The following MARCO variants were observed in gnomAD, a reference collection of about 807,000 sequenced individuals.
MARCO encodes the protein macrophage receptor MARCO.
Under a neutral mutation model 70.0 loss-of-function variants are expected in MARCO, and 72 were observed. The ratio of observed to expected loss-of-function variants is 1.03; its 90% CI spans 0.85 to 1.25. The LOEUF (loss-of-function observed/expected upper bound fraction) is 1.25. MARCO is among the 50% of genes most tolerant of loss of function. The pLI is 0.00. For synonymous variants in MARCO, 273 were observed against 243.1 expected (o/e 1.12, Z -1.14); for missense variants, 696 against 659.3 (o/e 1.06, Z -0.61).
chr2:118,993,440 G>C, intron 16 of MARCO, 140 bp downstream of exon 16: 4 of 767,372 alleles, frequency 5.2e-6, no homozygotes, highest in Non-Finnish European at 6.3e-6. Context: ...AAGCTCTGCA[G>C]TGCAGGGCTC....
In MARCO at chr2:118,994,488, G is replaced by A. The variant is rs201982149; in HGVS notation, c.1531G>A (p.Glu511Lys). 1.3e-4 allele frequency: 210 copies of A among 1,611,436 alleles called. No homozygotes were observed. The Admixed American group carries it at 1.7e-3, about 13-fold the overall frequency. The change falls in exon 17 of 17, where the codon GAG becomes AAG. Residue 511 changes from glutamate to lysine, a missense_variant. Physicochemically the swap from Glu to Lys is moderately conservative, Grantham distance 56 (BLOSUM62 1). Around this residue, in one of 3 missense-constraint regions of MARCO, gnomAD observed 58 missense variants for 62.1 expected, o/e 0.93. Coordinates refer to ENST00000327097, the MANE Select transcript of MARCO (RefSeq NM_006770.4). ...NSWGHHDCSH[E>K]EDAGVECSV The stretch of plus-strand genomic sequence containing the variant: ...CTGGGGCCATCATGACTGCAGCCAC[G>A]AGGAGGACGCAGGCGTGGAGTGCAG...
chr2:118,971,477 G>A (rs746484072), intron 3 of MARCO, 22 bp from the exon 4 acceptor site: 4 of 1,613,790 alleles, frequency 2.5e-6, no homozygotes, highest in Admixed American at 3.3e-5. Context: ...CTCAGCTGCA[G>A]CTCACTCTCC....
At chr2:118,987,899 T>C (rs1680546318) in intron 12 of MARCO, among the ~76,000 whole-genome samples, 1 of 152,142 alleles carries the variant, frequency 6.6e-6, no homozygotes, top group Admixed American at 6.5e-5. Context: ...GGGAACCAAG[T>C]GCGTAGACCA....
intron 8 of MARCO, 71 bp from the exon 9 acceptor site, chr2:118,981,338 G>C: frequency 1.1e-6 from 1 of 945,104 alleles, no homozygotes; most frequent in Admixed American, 2.4e-5. Context: ...GGAATGGGAA[G>C]TGTCAGAGGA....
At chr2:118,976,964 G>C (rs1280817253) in intron 6 of MARCO, among the ~76,000 whole-genome samples, 1 of 152,216 alleles carries the variant, frequency 6.6e-6, no homozygotes, top group Non-Finnish European at 1.5e-5. Context: ...AGGCTGGGAA[G>C]TTCAAGATTG....
intron 8 of MARCO, among the ~76,000 whole-genome samples, chr2:118,980,380 A>C (rs1054910930): frequency 2.0e-5 from 3 of 152,184 alleles, no homozygotes; most frequent in African/African-American, 7.2e-5. Context: ...AAGGGGTCTG[A>C]TTCATGAGCC....
chr2:118,943,245 A>C (rs1240319166), intron 1 of MARCO, among the ~76,000 whole-genome samples: 1 of 152,212 alleles, frequency 6.6e-6, no homozygotes, highest in Non-Finnish European at 1.5e-5. Context: ...TTCAGCGCAC[A>C]AAGATGAAGC....
intron 12 of MARCO, among the ~76,000 whole-genome samples, chr2:118,986,681 GAAA>G (rs1558671812): frequency 3.7e-4 from 16 of 42,780 alleles, no homozygotes; most frequent in African/African-American, 1.6e-3. Context: ...AGGAAAGAAA[GAAA>G]GAAAGAAAGA....
At chr2:118,958,642 GT>G (rs1679882739) in intron 1 of MARCO, among the ~76,000 whole-genome samples, 1 of 151,886 alleles carries the variant, frequency 6.6e-6, no homozygotes, top group Non-Finnish European at 1.5e-5. Context: ...TCTTCACAGA[GT>G]TAGAAAAAAC....
chr2:118,943,099 T>G (rs763713269), intron 1 of MARCO, among the ~76,000 whole-genome samples: 10 of 152,228 alleles, frequency 6.6e-5, no homozygotes, highest in Non-Finnish European at 1.5e-4. Flanking sequence ...CTTGGGATCA[T>G]CTTCCAAGTT....
intron 4 of MARCO, among the ~76,000 whole-genome samples, chr2:118,972,157 C>A (rs1470199797): frequency 2.6e-5 from 4 of 152,168 alleles, no homozygotes; most frequent in African/African-American, 9.7e-5. Context: ...CAAGGGAGTG[C>A]AAAAGCTGTC....
chr2:118,954,918 C>T (rs1278662036), intron 1 of MARCO, among the ~76,000 whole-genome samples: 1 of 152,058 alleles, frequency 6.6e-6, no homozygotes, highest in Non-Finnish European at 1.5e-5. Flanking sequence ...ATCTGAACAG[C>T]AATCTTCAGC....
intron 1 of MARCO, among the ~76,000 whole-genome samples, chr2:118,959,778 C>T (rs1236656691): frequency 6.6e-6 from 1 of 152,150 alleles, no homozygotes; most frequent in African/African-American, 2.4e-5. Context: ...TGGAATACTA[C>T]TCAGCCATAA....
At chr2:118,960,118 AAAT>A (rs10676998) in intron 1 of MARCO, among the ~76,000 whole-genome samples, 8 of 149,974 alleles carry the variant, frequency 5.3e-5, no homozygotes, top group East Asian at 2.0e-4. Flanking sequence ...AAATAAAATA[AAAT>A]AATAATAATA....
intron 12 of MARCO, among the ~76,000 whole-genome samples, chr2:118,988,140 C>T (rs561940402): frequency 6.6e-6 from 1 of 152,242 alleles, no homozygotes; most frequent in Admixed American, 6.5e-5. Flanking sequence ...GATGTAAAGC[C>T]CCTGGCACAG....
At chr2:118,970,896 C>T (rs35288880) in intron 3 of MARCO, among the ~76,000 whole-genome samples, 46,539 of 152,158 alleles carry the variant, frequency 0.31, 9,507 homozygotes, top group African/African-American at 0.57. Context: ...GGGTTTACCC[C>T]GTGACACAGA....
chr2:118,960,891 A>G (rs189912214), intron 1 of MARCO, among the ~76,000 whole-genome samples: 1 of 151,318 alleles, frequency 6.6e-6, no homozygotes, highest in East Asian at 1.9e-4. Context: ...CTCTCCCTAT[A>G]CCCCCACCCC....
chr2:118,965,363 C>T (rs1009732144), intron 1 of MARCO, among the ~76,000 whole-genome samples: 7 of 152,034 alleles, frequency 4.6e-5, no homozygotes, highest in Admixed American at 6.6e-5. Context: ...AGTCTTTTTT[C>T]TTTCATTGGT....
intron 1 of MARCO, among the ~76,000 whole-genome samples, chr2:118,967,236 A>G (rs1236055968): frequency 6.6e-6 from 1 of 152,220 alleles, no homozygotes; most frequent in Non-Finnish European, 1.5e-5. Context: ...GACGGGCTCT[A>G]CTGAACTTCC....
Sources: allele counts gnomAD v4.1 joint callset (sites outside exome capture counted in the v4.1 genomes callset), GRCh38; gene constraint gnomAD v4.1.1; regional missense constraint gnomAD v4.1.1; transcripts MANE v1.5; gene names NCBI Gene and HGNC (gene_info 2026-07-23, HGNC 2026-07-21).